The following PCDHA9 variants were observed in gnomAD, a reference collection of about 807,000 sequenced individuals.
The protein encoded by PCDHA9 is protocadherin alpha-9.
Under a neutral mutation model 62.0 loss-of-function variants are expected in PCDHA9, and 62 were observed. The ratio of observed to expected loss-of-function variants is 1.00; its 90% confidence interval spans 0.81 to 1.23. The LOEUF (loss-of-function observed/expected upper bound fraction) is 1.23, where lower values mean the gene tolerates loss of function less well. Among genes scored for constraint, PCDHA9 ranks in the 50% most tolerant of loss-of-function variants. The pLI, the probability that PCDHA9 is intolerant of heterozygous loss-of-function variation, is 0.00. For missense variants in PCDHA9, 1,205 were observed against 1,249.8 expected (o/e 0.96, Z 0.54); for synonymous variants, 557 against 567.6 (o/e 0.98, Z 0.27).
At chr5:140,870,543 C>T (rs1554164396) in intron 1 of PCDHA9, 6 of 1,614,114 alleles carry the variant, frequency 3.7e-6, no homozygotes, top group South Asian at 1.1e-5. Context: ...CGGCGCGGGA[C>T]GCGGACGCGC....
intron 1 of PCDHA9, among the ~76,000 whole-genome samples, chr5:140,932,720 G>A (rs868927369): frequency 6.6e-5 from 10 of 151,848 alleles, no homozygotes; most frequent in Non-Finnish European, 1.5e-5. Flanking sequence ...CAATAATATT[G>A]TATAATATAG....
chr5:140,972,660 ATTTT>A (rs11350929), intron 1 of PCDHA9, among the ~76,000 whole-genome samples: 1 of 117,264 alleles, frequency 8.5e-6, no homozygotes. Flanking sequence ...AAGAAACCAA[ATTTT>A]TTTTTTTTTT....
At chr5:140,953,540 T>C (rs1217393469) in intron 1 of PCDHA9, among the ~76,000 whole-genome samples, 1 of 152,174 alleles carries the variant, frequency 6.6e-6, no homozygotes, top group Non-Finnish European at 1.5e-5. Flanking sequence ...CACTTCATGC[T>C]GATTCTTTTC....
intron 1 of PCDHA9, among the ~76,000 whole-genome samples, chr5:140,977,307 G>A (rs1023836424): frequency 6.6e-6 from 1 of 152,304 alleles, no homozygotes; most frequent in Non-Finnish European, 1.5e-5. Context: ...ACAAGCTAAC[G>A]ATAGTGCTCC....
At chr5:140,889,263 GTA>G (rs1262739748) in intron 1 of PCDHA9, among the ~76,000 whole-genome samples, 1 of 151,748 alleles carries the variant, frequency 6.6e-6, no homozygotes, top group Admixed American at 6.6e-5. Flanking sequence ...GTAAAAGTTT[GTA>G]TAATCTTTGA....
chr5:140,877,776 C>A (rs2057336039), intron 1 of PCDHA9: 3 of 1,614,032 alleles, frequency 1.9e-6, no homozygotes, highest in South Asian at 1.1e-5. Context: ...CCAAGACGGA[C>A]CTCATGGCCT....
At chr5:140,984,987 G>C (rs1034950978) in intron 3 of PCDHA9, among the ~76,000 whole-genome samples, 7 of 152,028 alleles carry the variant, frequency 4.6e-5, no homozygotes, top group Admixed American at 2.0e-4. Flanking sequence ...CCCCAGGCTG[G>C]AGTCCAGTGG....
intron 1 of PCDHA9, chr5:140,855,848 A>G: frequency 1.5e-6 from 1 of 662,286 alleles, no homozygotes; most frequent in South Asian, 2.3e-5. Context: ...ACCTAAAGCC[A>G]CCGGATGTCG....
intron 1 of PCDHA9, chr5:140,929,266 C>T (rs1333907609): frequency 6.2e-7 from 1 of 1,611,352 alleles, no homozygotes; most frequent in Middle Eastern, 1.7e-4. Flanking sequence ...ACTGAATTTG[C>T]CAATATCCTG....
rs189949937 is a variant in PCDHA9 at position 140,920,653 on chromosome 5, T to C, written c.2395-58296T>C. On this transcript the variant is annotated intron_variant, in intron 1 of 3. Coordinates refer to ENST00000532602, the MANE Select transcript of PCDHA9 (RefSeq NM_031857.2). ...AAGGTCAAGAGATTGAGACCATCCT[T>C]GCCAACATGGTGAAACCCCATCTCT... is the stretch of plus-strand genomic sequence containing the variant. Among the ~76,000 whole-genome samples, 1,219 of 152,042 alleles carry C rather than the reference T, an allele frequency of 8.0e-3. 5 individuals carry two copies. Among genetic ancestry groups the C allele is most frequent in the African/African-American group, 0.019 (786 of 41,502 alleles).
At chr5:140,980,475 C>G (rs538255137) in intron 2 of PCDHA9, among the ~76,000 whole-genome samples, 10 of 152,148 alleles carry the variant, frequency 6.6e-5, no homozygotes, top group African/African-American at 2.2e-4. Context: ...ACTAAAAATA[C>G]AAAAATTAGC....
intron 1 of PCDHA9, chr5:140,928,865 A>G: frequency 6.2e-7 from 1 of 1,614,072 alleles, no homozygotes; most frequent in Non-Finnish European, 8.5e-7. Flanking sequence ...CTGTTGAGCA[A>G]CTCTGTCCCT....
chr5:140,995,386 A>G (rs1156268381), intron 3 of PCDHA9, among the ~76,000 whole-genome samples: 1 of 152,202 alleles, frequency 6.6e-6, no homozygotes, highest in Non-Finnish European at 1.5e-5. Context: ...TGGGCAGGAT[A>G]AAGCGGGATG....
Position 140,850,429 on chromosome 5 carries a change from A to T in PCDHA9, c.1934A>T (p.Gln645Leu). The T allele has an allele frequency of 1.3e-6, 2 of 1,597,934 alleles. 1 individual carries two copies. Among genetic ancestry groups the T allele is most frequent in the Middle Eastern group, 3.3e-4 (2 of 5,994 alleles). ...CTGGACGAAACGGACGCACCGCGCC[A>T]GCGCCTACTGGTGCTGGTGAAAGAC... The part of the protein sequence containing the change: ...RALDETDAPR[Q>L]RLLVLVKDHG... The change falls in exon 1 of 4, where the codon CAG (glutamine) becomes CTG (leucine). Residue 645 changes from glutamine (Q) to leucine (L), a missense_variant. Physicochemically the swap from Gln to Leu is moderately radical, Grantham distance 113. Around this residue, in one of 3 missense-constraint regions of PCDHA9, gnomAD observed 887 missense variants for 809.5 expected, o/e 1.10. Coordinates refer to ENST00000532602, the MANE Select transcript of PCDHA9 (RefSeq NM_031857.2).
intron 1 of PCDHA9, among the ~76,000 whole-genome samples, chr5:140,970,086 G>T (rs1263388270): frequency 6.6e-6 from 1 of 152,102 alleles, no homozygotes; most frequent in Non-Finnish European, 1.5e-5. Flanking sequence ...TTAGGGGTGT[G>T]GGGGGATGGT....
intron 1 of PCDHA9, among the ~76,000 whole-genome samples, chr5:140,942,637 A>C (rs1175766630): frequency 6.6e-6 from 1 of 152,178 alleles, no homozygotes; most frequent in African/African-American, 2.4e-5. Context: ...AAAATGGCAA[A>C]AGAGATCTCA....
intron 1 of PCDHA9, among the ~76,000 whole-genome samples, chr5:140,950,903 T>C (rs2094530592): frequency 6.6e-6 from 1 of 152,024 alleles, no homozygotes; most frequent in South Asian, 2.1e-4. Context: ...TTTATTTTAT[T>C]TTTATTTTAT....
chr5:140,966,057 G>A (rs2153745793), intron 1 of PCDHA9, among the ~76,000 whole-genome samples: 1 of 152,318 alleles, frequency 6.6e-6, no homozygotes, highest in East Asian at 1.9e-4. Flanking sequence ...TAACCCCAGA[G>A]CGCCTCCCCC....
chr5:140,991,642 A>T (rs2097463636), intron 3 of PCDHA9, among the ~76,000 whole-genome samples: 2 of 152,160 alleles, frequency 1.3e-5, no homozygotes, highest in South Asian at 4.1e-4. Flanking sequence ...CAATCTGTTC[A>T]TGACAATTTA....
Sources: gnomAD v4.1 joint callset for allele counts (sites outside exome capture counted in the v4.1 genomes callset) on GRCh38, gnomAD v4.1.1 for gene constraint, gnomAD v4.1.1 regional missense constraint, MANE v1.5 for transcripts, NCBI Gene and HGNC (gene_info 2026-07-23, HGNC 2026-07-21) for gene names.